The following INPP4B variants were observed in gnomAD, a reference collection of about 807,000 sequenced individuals.
The protein encoded by INPP4B is inositol polyphosphate-4-phosphatase type II B, also known as inositol polyphosphate 4-phosphatase type II.
Under a neutral mutation model 122.5 loss-of-function variants are expected in INPP4B, and 55 were observed. The observed-to-expected ratio is 0.45, with a 90% CI of 0.36 to 0.56. The LOEUF (loss-of-function observed/expected upper bound fraction) is 0.56. Ranked by LOEUF, INPP4B falls within the 20% of genes least tolerant of loss-of-function variation. The pLI, the probability that INPP4B is intolerant of heterozygous loss-of-function variation, is 0.00. For synonymous variants in INPP4B, 403 were observed against 388.7 expected, an observed-to-expected ratio of 1.04 and a Z score of -0.43; for missense variants, 1,000 against 1,097.7, an observed-to-expected ratio of 0.91 and a Z score of 1.26.
At chr4:142,090,789 A>C (rs1434343532) in intron 23 of INPP4B, among the ~76,000 whole-genome samples, 1 of 152,040 alleles carries the variant, frequency 6.6e-6, no homozygotes, top group Non-Finnish European at 1.5e-5. Flanking sequence ...TTATAATTTT[A>C]AATAGCAAAA....
At chr4:142,351,228 C>G (rs1004125292) in intron 7 of INPP4B, among the ~76,000 whole-genome samples, 2 of 151,974 alleles carry the variant, frequency 1.3e-5, no homozygotes, top group African/African-American at 4.8e-5. Flanking sequence ...TAAATTTCAG[C>G]TCTACTAGTC....
At chr4:142,676,372 T>C (rs1201373411) in intron 2 of INPP4B, among the ~76,000 whole-genome samples, 1 of 152,164 alleles carries the variant, frequency 6.6e-6, no homozygotes, top group Non-Finnish European at 1.5e-5. Flanking sequence ...AAACATTCCA[T>C]GCTCATAGAC....
At chr4:142,580,999 T>C (rs1165162714) in intron 2 of INPP4B, among the ~76,000 whole-genome samples, 2 of 152,052 alleles carry the variant, frequency 1.3e-5, no homozygotes, top group Admixed American at 6.6e-5. Flanking sequence ...AACTTAGAAC[T>C]CTTCTCTCAC....
chr4:142,208,382 C>T (rs753466865), intron 14 of INPP4B, 43 bp downstream of exon 14: 30 of 1,038,116 alleles, frequency 2.9e-5, no homozygotes, highest in Non-Finnish European at 4.2e-5. Context: ...GAAGTACACA[C>T]TGTAACATAA....
chr4:142,396,723 A>G (rs1052868878), intron 7 of INPP4B, among the ~76,000 whole-genome samples: 7 of 152,220 alleles, frequency 4.6e-5, no homozygotes, highest in African/African-American at 7.2e-5. Context: ...TCAATAAGAA[A>G]GTAAATGAAC....
At chr4:142,813,099 C>G (rs967965912) in intron 1 of INPP4B, among the ~76,000 whole-genome samples, 1 of 152,088 alleles carries the variant, frequency 6.6e-6, no homozygotes, top group African/African-American at 2.4e-5. Flanking sequence ...GGAATTTCTT[C>G]CACTCCATTC....
intron 2 of INPP4B, among the ~76,000 whole-genome samples, chr4:142,562,240 T>C (rs1730628806): frequency 6.6e-6 from 1 of 152,178 alleles, no homozygotes; most frequent in South Asian, 2.1e-4. Context: ...TCATGAAGCT[T>C]TGAAAGGTTT....
At chr4:142,829,967 A>G (rs939847488) in intron 1 of INPP4B, among the ~76,000 whole-genome samples, 1 of 152,174 alleles carries the variant, frequency 6.6e-6, no homozygotes, top group East Asian at 1.9e-4. Context: ...TTTAATAACT[A>G]CAATAAAAAT....
intron 2 of INPP4B, among the ~76,000 whole-genome samples, chr4:142,634,117 G>T (rs564375502): frequency 2.6e-4 from 40 of 152,250 alleles, no homozygotes; most frequent in African/African-American, 9.6e-4. Flanking sequence ...CAACTTAAGA[G>T]AAATGCAAAT....
intron 7 of INPP4B, among the ~76,000 whole-genome samples, chr4:142,379,862 C>T (rs1793422733): frequency 1.3e-5 from 2 of 152,196 alleles, no homozygotes; most frequent in South Asian, 4.1e-4. Context: ...GGTTCATATG[C>T]ATCCACCTGT....
intron 2 of INPP4B, among the ~76,000 whole-genome samples, chr4:142,569,834 A>T (rs1732435714): frequency 6.6e-6 from 1 of 152,158 alleles, no homozygotes; most frequent in African/African-American, 2.4e-5. Context: ...GACAAAGAAT[A>T]CAGTGATTAG....
Position 142,254,319 on chromosome 4 carries a change from A to ACG in INPP4B, c.688+6172_688+6173insCG, listed in dbSNP as rs1217612837. On this transcript the variant is annotated intron_variant, in intron 11 of 25. Transcript: ENST00000262992. ...CGCCTCTCCTCCTCCAAAGGAATGC[A>ACG]GTTCCTCACCAGCAACGGAACAAAG... Among the ~76,000 whole-genome samples, 4 of 129,882 alleles carry ACG rather than the reference A, an allele frequency of 3.1e-5. No homozygotes were observed. In the East Asian group the frequency reaches 1.0e-3, roughly 33 times the overall value. The allele number at this position is 129,882 out of a possible 152,430, so 85.2% of individuals were successfully genotyped here.
intron 7 of INPP4B, among the ~76,000 whole-genome samples, chr4:142,335,929 G>T (rs541010453): frequency 1.6e-4 from 24 of 152,308 alleles, no homozygotes; most frequent in Admixed American, 8.5e-4. Context: ...CCAGGCTGAG[G>T]TTCTGGTACA....
At chr4:142,452,874 C>T (rs532752601) in intron 3 of INPP4B, among the ~76,000 whole-genome samples, 28 of 152,042 alleles carry the variant, frequency 1.8e-4, no homozygotes, top group African/African-American at 6.5e-4. Context: ...CCCAAATATA[C>T]TTGAAAATAT....
chr4:142,763,820 T>C (rs903948989), intron 1 of INPP4B, among the ~76,000 whole-genome samples: 2 of 152,116 alleles, frequency 1.3e-5, no homozygotes, highest in African/African-American at 4.8e-5. Context: ...AATTTTGCTT[T>C]GTAAAAATTT....
chr4:142,064,018 A>G (rs1762292476), intron 25 of INPP4B, among the ~76,000 whole-genome samples: 1 of 152,206 alleles, frequency 6.6e-6, no homozygotes, highest in Admixed American at 6.6e-5. Context: ...TATCAAATGT[A>G]TAATTTTCTG....
intron 1 of INPP4B, among the ~76,000 whole-genome samples, chr4:142,798,126 T>G (rs890230516): frequency 6.6e-6 from 1 of 151,856 alleles, no homozygotes; most frequent in Admixed American, 6.6e-5. Context: ...ATTACTGATA[T>G]TACAAAAAGG....
intron 1 of INPP4B, among the ~76,000 whole-genome samples, chr4:142,827,613 C>A (rs1025380779): frequency 6.6e-6 from 1 of 152,050 alleles, no homozygotes; most frequent in Non-Finnish European, 1.5e-5. Flanking sequence ...AAGGTAGAGA[C>A]AAACTTAGAG....
intron 2 of INPP4B, among the ~76,000 whole-genome samples, chr4:142,537,651 C>T (rs1828445764): frequency 1.3e-5 from 2 of 151,236 alleles, no homozygotes; most frequent in Admixed American, 6.6e-5. Context: ...TTTGCAGCCT[C>T]ATTTCATTTT....
Sources: gnomAD v4.1 joint callset for allele counts (sites outside exome capture counted in the v4.1 genomes callset) on GRCh38, gnomAD v4.1.1 for gene constraint, MANE v1.5 for transcripts, NCBI Gene and HGNC (gene_info 2026-07-23, HGNC 2026-07-21) for gene names.